The following GGA2 variants were observed in gnomAD, a reference collection of about 807,000 sequenced individuals.
GGA2 encodes ADP-ribosylation factor-binding protein GGA2.
A neutral mutation model predicts 79.5 loss-of-function variants in GGA2; 48 were observed. That is an observed-to-expected ratio of 0.60 (90% confidence interval 0.48 to 0.77). The LOEUF (loss-of-function observed/expected upper bound fraction) is 0.77, where lower values mean the gene tolerates loss of function less well. Among genes scored for constraint, GGA2 ranks in the 30% least tolerant of loss-of-function variants. The pLI is 0.00. For missense variants in GGA2, 770 were observed against 774.0 expected (o/e 0.99, Z 0.06); for synonymous variants, 317 against 302.0 (o/e 1.05, Z -0.51).
chr16:23,490,509 C>T (rs1036773139), intron 5 of GGA2, among the ~76,000 whole-genome samples: 3 of 151,814 alleles, frequency 2.0e-5, no homozygotes, highest in Admixed American at 6.6e-5. Flanking sequence ...CTGAGGCAGG[C>T]GGATCATTTG....
At chr16:23,497,651 A>G (rs1964873270) in intron 1 of GGA2, among the ~76,000 whole-genome samples, 1 of 152,152 alleles carries the variant, frequency 6.6e-6, no homozygotes, top group African/African-American at 2.4e-5. Flanking sequence ...TCTACCCTTG[A>G]GTCCCAAGTC....
At chr16:23,488,137 A>T (rs1408905536) in intron 6 of GGA2, among the ~76,000 whole-genome samples, 1 of 152,026 alleles carries the variant, frequency 6.6e-6, no homozygotes. Context: ...GAAGCAACAC[A>T]CAGCAGCAAG....
intron 1 of GGA2, among the ~76,000 whole-genome samples, chr16:23,507,382 C>T (rs1333363300): frequency 4.6e-5 from 7 of 152,174 alleles, no homozygotes; most frequent in Admixed American, 2.0e-4. Flanking sequence ...AATCCCAGCA[C>T]TTCGGGAGGC....
intron 11 of GGA2, 100 bp downstream of exon 11, chr16:23,479,665 C>T (rs1567361293): frequency 7.4e-6 from 10 of 1,357,824 alleles, no homozygotes; most frequent in South Asian, 5.2e-5. Context: ...ACAACCATCT[C>T]GACTCCCTCA....
At chr16:23,492,367 G>T (rs1045415194) in intron 4 of GGA2, among the ~76,000 whole-genome samples, 7 of 152,170 alleles carry the variant, frequency 4.6e-5, no homozygotes, top group East Asian at 1.9e-4. Flanking sequence ...GGGCAGGGGG[G>T]TGTGAACTAG....
upstream of GGA2, among the ~76,000 whole-genome samples, chr16:23,513,039 A>C (rs1476859369): frequency 6.6e-6 from 1 of 152,112 alleles, no homozygotes; most frequent in Admixed American, 6.6e-5. Flanking sequence ...TATCTCTTGA[A>C]GATTCTGAAC....
chr16:23,477,473 G>A (rs1964589549), intron 13 of GGA2, among the ~76,000 whole-genome samples: 1 of 152,188 alleles, frequency 6.6e-6, no homozygotes, highest in African/African-American at 2.4e-5. Flanking sequence ...GCTGAGTGTG[G>A]TGGCTCATGC....
At position 23,486,011 on chromosome 16, in the gene GGA2, T is replaced by A. The variant is rs1964706829; in HGVS notation, c.798+4A>T. On this transcript the variant is annotated splice_donor_region_variant and intron_variant, in intron 8 of 16. Coordinates refer to ENST00000309859, the MANE Select transcript of GGA2 (RefSeq NM_015044.4). ...TGCAGCCCCCTGTGTTACACCTGTA[T>A]TACCTGCAGGGCCTCCTGGTCGGGC... The A allele has an allele frequency of 6.2e-7, 1 of 1,613,654 alleles. No individual in the cohort carries two copies. The highest frequency in any genetic ancestry group is 2.2e-5 in the East Asian group (1 of 44,878).
chr16:23,483,137 T>TA, intron 8 of GGA2, 133 bp from the exon 9 acceptor site: 3 of 649,050 alleles, frequency 4.6e-6, no homozygotes, highest in Non-Finnish European at 8.4e-6. Context: ...GGTCCTGACT[T>TA]AGAGACTGCA....
chr16:23,475,144 G>A, intron 13 of GGA2, 83 bp from the exon 14 acceptor site: 3 of 746,328 alleles, frequency 4.0e-6, no homozygotes, highest in East Asian at 2.8e-5. Context: ...TAAAGAACAA[G>A]GAAAAAATAA....
chr16:23,474,052 G>GGT, intron 14 of GGA2, among the ~76,000 whole-genome samples: 1 of 151,762 alleles, frequency 6.6e-6, no homozygotes, highest in East Asian at 1.9e-4. Flanking sequence ...CTGGTGTAGA[G>GGT]ACGGTAGGCA....
At chr16:23,467,887 A>T (rs902078792) in intron 16 of GGA2, among the ~76,000 whole-genome samples, 187 bp from the exon 17 acceptor site, 1 of 152,158 alleles carries the variant, frequency 6.6e-6, no homozygotes, top group Admixed American at 6.5e-5. Flanking sequence ...GCAGTCCTGA[A>T]ATCCTGAGAT....
chr16:23,477,872 T>C (rs1413280955), intron 13 of GGA2, among the ~76,000 whole-genome samples: 2 of 152,062 alleles, frequency 1.3e-5, no homozygotes, highest in Non-Finnish European at 2.9e-5. Flanking sequence ...CAGTCTTGGG[T>C]ATGTCTTTAT....
At chr16:23,516,086 C>T (rs1402420848) in intron 2 of GGA2, among the ~76,000 whole-genome samples, 1 of 151,874 alleles carries the variant, frequency 6.6e-6, no homozygotes, top group African/African-American at 2.4e-5. Flanking sequence ...CAGCCCACTG[C>T]AGCCTCAACT....
intron 6 of GGA2, among the ~76,000 whole-genome samples, chr16:23,488,259 G>A (rs1964739933): frequency 6.6e-6 from 1 of 151,972 alleles, no homozygotes; most frequent in Non-Finnish European, 1.5e-5. Flanking sequence ...GGAAGGCTGT[G>A]CACAAAAGGG....
chr16:23,489,560 C>G (rs541756597), intron 5 of GGA2, among the ~76,000 whole-genome samples: 2 of 152,284 alleles, frequency 1.3e-5, no homozygotes, highest in African/African-American at 2.4e-5. Flanking sequence ...CTGAATACAT[C>G]AGAGAGCCCA....
upstream of GGA2, among the ~76,000 whole-genome samples, chr16:23,514,207 T>C (rs1965090722): frequency 6.6e-6 from 1 of 151,748 alleles, no homozygotes; most frequent in Middle Eastern, 3.4e-3. Flanking sequence ...CCAGGTTCAA[T>C]TGATTCTCTT....
intron 1 of GGA2, among the ~76,000 whole-genome samples, chr16:23,503,736 GA>G (rs1372016059): frequency 2.0e-5 from 3 of 152,090 alleles, no homozygotes; most frequent in Admixed American, 6.5e-5. Context: ...CCTATGGGGG[GA>G]AAAAAGATTT....
In GGA2 at chr16:23,487,952, C is replaced by T. The variant is rs183294501; in HGVS notation, c.579+654G>A. 3.1e-4 allele frequency among the ~76,000 whole-genome samples: 47 copies of T among 152,224 alleles called. 1 individual carries two copies. The highest frequency in any genetic ancestry group is 1.6e-3 in the Admixed American group (24 of 15,294). On this transcript the variant is annotated intron_variant, in intron 6 of 16. Coordinates refer to ENST00000309859, the MANE Select transcript of GGA2 (RefSeq NM_015044.4). ...CAAGAACAGTCATGACCAAAAGCAC[C>T]GCCAGCACTAGGCCAAAGGGCTCCC...
Sources: allele counts gnomAD v4.1 joint callset (sites outside exome capture counted in the v4.1 genomes callset), GRCh38; gene constraint gnomAD v4.1.1; transcripts MANE v1.5; gene names NCBI Gene and HGNC (gene_info 2026-07-23, HGNC 2026-07-21).